The following RAB40C variants were observed in gnomAD, a reference collection of about 807,000 sequenced individuals.
RAB40C encodes ras-related protein Rab-40C.
In RAB40C, 8 loss-of-function variants were observed where a neutral mutation model predicts 28.1. The observed-to-expected ratio is 0.28, with a 90% CI of 0.17 to 0.51. The LOEUF (loss-of-function observed/expected upper bound fraction) is 0.51. Ranked by LOEUF, RAB40C falls within the 20% of genes least tolerant of loss-of-function variation. RAB40C has a pLI of 0.97. For synonymous variants in RAB40C, 201 were observed against 171.7 expected, an observed-to-expected ratio of 1.17 and a Z score of -1.34; for missense variants, 288 against 405.9, an observed-to-expected ratio of 0.71 and a Z score of 2.50.
At chr16:627,301 C>T in intron 5 of RAB40C, 41 bp from the exon 6 acceptor site, 1 of 1,576,590 alleles carries the variant, frequency 6.3e-7, no homozygotes, top group Non-Finnish European at 8.6e-7. Context: ...AGGGCCTCCT[C>T]CCCCACAGCC....
intron 1 of RAB40C, among the ~76,000 whole-genome samples, chr16:606,524 G>T (rs1292372897): frequency 6.6e-6 from 1 of 151,986 alleles, no homozygotes; most frequent in Non-Finnish European, 1.5e-5. Context: ...CCTCAGTCCA[G>T]TGTGGGTTTC....
intron 1 of RAB40C, among the ~76,000 whole-genome samples, chr16:601,710 G>A (rs891793783): frequency 1.3e-5 from 2 of 149,994 alleles, no homozygotes; most frequent in South Asian, 2.1e-4. Context: ...GTGCGGTGGT[G>A]CACGCCTATA....
Position 590,449 on chromosome 16 carries a change from C to T in RAB40C, c.142+16C>T, listed in dbSNP as rs947597801. On this transcript the variant is annotated intron_variant, in intron 1 of 5. Coordinates refer to ENST00000248139, the MANE Select transcript of RAB40C (RefSeq NM_021168.5). ...TACAGTAACGGTAAGGCCCGGCCCG[C>T]GGCGCGCGCTGCTACGCGGGGCCCG... 4.5e-6 allele frequency: 7 copies of T among 1,560,100 alleles called. No homozygotes were observed. Among genetic ancestry groups the T allele is most frequent in the Non-Finnish European group, 6.1e-6 (7 of 1,156,782 alleles).
chr16:599,520 G>C (rs893026378), intron 1 of RAB40C, among the ~76,000 whole-genome samples: 5 of 152,278 alleles, frequency 3.3e-5, no homozygotes, highest in Non-Finnish European at 7.3e-5. Context: ...CGATAGGCAT[G>C]TACGTGAAAA....
intron 1 of RAB40C, among the ~76,000 whole-genome samples, chr16:597,137 G>A (rs2151060743): frequency 6.6e-6 from 1 of 152,214 alleles, no homozygotes; most frequent in Non-Finnish European, 1.5e-5. Context: ...GATGGGAGGG[G>A]CTCAGGAGCA....
chr16:622,284 G>A (rs147570330), intron 3 of RAB40C, among the ~76,000 whole-genome samples: 1,638 of 152,288 alleles, frequency 0.011, 14 homozygotes, highest in Non-Finnish European at 0.017. Context: ...AAGAGCTGGC[G>A]CAGTACCAGT....
intron 1 of RAB40C, among the ~76,000 whole-genome samples, chr16:598,176 A>C (rs2036172975): frequency 6.6e-6 from 1 of 151,806 alleles, no homozygotes; most frequent in Non-Finnish European, 1.5e-5. Flanking sequence ...TCAGGAGATC[A>C]AGACCATCCT....
intron 1 of RAB40C, among the ~76,000 whole-genome samples, chr16:609,871 AG>A (rs1357749783): frequency 6.6e-6 from 1 of 151,938 alleles, no homozygotes; most frequent in Non-Finnish European, 1.5e-5. Flanking sequence ...GTGTGCCTGG[AG>A]GGGGGAGCTG....
chr16:617,469 G>A (rs1020335882), intron 2 of RAB40C, among the ~76,000 whole-genome samples: 1 of 152,194 alleles, frequency 6.6e-6, no homozygotes, highest in African/African-American at 2.4e-5. Flanking sequence ...TAGAGATCGC[G>A]GCTCCCCTCC....
At position 590,391 on chromosome 16, in the gene RAB40C, C is replaced by G. The variant is rs1461622851; in HGVS notation, c.100C>G (p.Leu34Val). Reference protein sequence around the residue: ...DVGKGEILESLQDGAAESPYA... With the variant: ...DVGKGEILESVQDGAAESPYA... ...GGGCAAGGGCGAGATCCTGGAGAGC[C>G]TGCAGGACGGCGCGGCAGAGTCCCC... The change falls in exon 1 of 6, where the codon CTG becomes GTG. Residue 34 changes from leucine (L) to valine (V), a missense_variant. Transcript: ENST00000248139. 2.5e-6 allele frequency: 4 copies of G among 1,595,364 alleles called. No individual in the cohort carries two copies.
chr16:626,592 G>C (rs1375353400), intron 5 of RAB40C, among the ~76,000 whole-genome samples: 1 of 152,178 alleles, frequency 6.6e-6, no homozygotes, highest in Non-Finnish European at 1.5e-5. Context: ...CTCCCAGCAG[G>C]GTTCACTGCT....
At chr16:601,974 AAGTT>A (rs1184609871) in intron 1 of RAB40C, among the ~76,000 whole-genome samples, 1 of 152,006 alleles carries the variant, frequency 6.6e-6, no homozygotes, top group Non-Finnish European at 1.5e-5. Flanking sequence ...GAAAATATAA[AAGTT>A]AGCGGGGTGT....
intron 1 of RAB40C, among the ~76,000 whole-genome samples, chr16:602,570 A>G (rs2036275426): frequency 6.6e-6 from 1 of 152,084 alleles, no homozygotes; most frequent in South Asian, 2.1e-4. Flanking sequence ...CTGGGATTAC[A>G]GGCACCTGCC....
chr16:616,948 C>G, intron 1 of RAB40C: 1 of 482,466 alleles, frequency 2.1e-6, no homozygotes, highest in Non-Finnish European at 3.8e-6. Flanking sequence ...CTGTGGGGCC[C>G]GATGGCCTGA....
intron 3 of RAB40C, among the ~76,000 whole-genome samples, chr16:620,035 C>T (rs964342494): frequency 1.1e-4 from 16 of 152,192 alleles, no homozygotes; most frequent in Admixed American, 9.8e-4. Flanking sequence ...GGCCGTGATT[C>T]GTGGAGCAGG....
At chr16:626,924 G>A (rs754878942) in intron 5 of RAB40C, among the ~76,000 whole-genome samples, 2 of 152,326 alleles carry the variant, frequency 1.3e-5, no homozygotes, top group Admixed American at 6.5e-5. Context: ...GCGACAGAGC[G>A]AGACCCGTCT....
chr16:600,879 G>A (rs2036235120), intron 1 of RAB40C, among the ~76,000 whole-genome samples: 1 of 152,242 alleles, frequency 6.6e-6, no homozygotes, highest in Non-Finnish European at 1.5e-5. Flanking sequence ...TTTGACTCCA[G>A]TCTCTGTCTT....
At chr16:624,017 T>C in intron 3 of RAB40C, 2 of 985,466 alleles carry the variant, frequency 2.0e-6, no homozygotes, top group South Asian at 4.7e-5. Flanking sequence ...TTGGCCAGCA[T>C]GCACGCTTTT....
chr16:627,328 C>T lies in RAB40C; in HGVS notation c.566-14C>T, dbSNP rs776054579. On this transcript the variant is annotated splice_polypyrimidine_tract_variant and intron_variant, in intron 5 of 5. Coordinates refer to ENST00000248139, the MANE Select transcript of RAB40C (RefSeq NM_021168.5). ...CCCACAGCCCCATGGTCTGACACCC[C>T]CTCTGCCCCACAGTGTTCAGCCTGC... 7.5e-6 allele frequency: 12 copies of T among 1,608,354 alleles called. No individual in the cohort carries two copies. In the Admixed American group the frequency reaches 1.2e-4, roughly 16 times the overall value.
Sources: gnomAD v4.1 joint callset for allele counts (sites outside exome capture counted in the v4.1 genomes callset) on GRCh38, gnomAD v4.1.1 for gene constraint, MANE v1.5 for transcripts, NCBI Gene and HGNC (gene_info 2026-07-23, HGNC 2026-07-21) for gene names.